Variants in IQCM observed in about 807,000 individuals in gnomAD.
IQCM encodes the protein IQ motif containing M.
IQCM carries 45 observed loss-of-function variants against 57.6 expected under a neutral mutation model. The observed-to-expected ratio is 0.78, with a 90% CI of 0.62 to 1.00. The LOEUF is 1.00. Among genes scored for constraint, IQCM ranks in the 50% least tolerant of loss-of-function variants. IQCM has a pLI of 0.00. For synonymous variants in IQCM, 148 were observed against 158.9 expected (o/e 0.93, Z 0.51); for missense variants, 468 against 511.6 (o/e 0.91, Z 0.82).
chr4:149,721,626 T>C (rs1765458019), intron 5 of IQCM, among the ~76,000 whole-genome samples: 1 of 152,166 alleles, frequency 6.6e-6, no homozygotes, highest in South Asian at 2.1e-4. Context: ...CATTATTCTG[T>C]TCTTTTATAT....
At position 149,638,515 on chromosome 4, in the gene IQCM, A is replaced by C. The variant is rs529732822; in HGVS notation, c.566-17271T>G. 1.1e-3 allele frequency among the ~76,000 whole-genome samples: 172 copies of C among 152,216 alleles called. 1 individual carries two copies. The highest frequency in any genetic ancestry group is 2.1e-3 in the Admixed American group (32 of 15,282). On this transcript the variant is annotated intron_variant, in intron 7 of 13. Coordinates refer to ENST00000636793, the MANE Select transcript of IQCM (RefSeq NM_001363507.2). The stretch of plus-strand genomic sequence containing the variant: ...AATAAGATAGATGTTCAACAATATA[A>C]TGAATTGATACACTGTGGTATAGTC...
chr4:149,538,085 T>C lies in IQCM; in HGVS notation c.1228+10370A>G, dbSNP rs115882922. On this transcript the variant is annotated intron_variant, in intron 12 of 13. Coordinates refer to ENST00000636793, the MANE Select transcript of IQCM (RefSeq NM_001363507.2). ...TGCAGATATCTTTTATACACTTATA[T>C]ATGTTAGTTTTATATATATAACAGT... Among the ~76,000 whole-genome samples the C allele has an allele frequency of 7.1e-3, 1,075 of 151,614 alleles. 16 individuals are homozygous for C. Among genetic ancestry groups the C allele is most frequent in the African/African-American group, 0.025 (1,032 of 41,462 alleles).
intron 13 of IQCM, among the ~76,000 whole-genome samples, chr4:149,367,715 G>C (rs543339122): frequency 1.4e-4 from 22 of 152,100 alleles, no homozygotes; most frequent in African/African-American, 4.8e-4. Flanking sequence ...AATTTGAATA[G>C]ATATTGCTAA....
intron 12 of IQCM, among the ~76,000 whole-genome samples, chr4:149,546,564 T>C (rs539045952): frequency 6.6e-6 from 1 of 152,382 alleles, no homozygotes; most frequent in South Asian, 2.1e-4. Context: ...ATTTCTCTGA[T>C]GGCCAGTGAT....
Position 149,548,498 on chromosome 4 carries a change from T to G in IQCM, c.1185A>C (p.Pro395=), listed in dbSNP as rs566118808. The G allele has an allele frequency of 1.3e-4, 165 of 1,232,008 alleles. No individual in the cohort carries two copies. In the African/African-American group the frequency reaches 2.0e-3, roughly 15 times the overall value. 76.3% of individuals were successfully genotyped at this position (1,232,008 alleles called of 1,614,324 possible). The stretch of plus-strand genomic sequence containing the variant: ...AAGTATCATCAACTTGTTTCTGAGT[T>G]GGGAAATGACCACAGTCACTGAAGA... The part of the protein sequence containing the change: ...PNFFSDCGHF[P]TQKQVDDTWD... Residue 395 remains proline (P), a synonymous_variant, in exon 12 of 14, where the codon CCA becomes CCC. Transcript: ENST00000636793.
chr4:149,672,412 C>G (rs1414343452), intron 7 of IQCM, among the ~76,000 whole-genome samples: 3 of 152,092 alleles, frequency 2.0e-5, no homozygotes, highest in Admixed American at 6.6e-5. Flanking sequence ...CTAGAAGAAA[C>G]AGAGTAGAGA....
intron 12 of IQCM, among the ~76,000 whole-genome samples, chr4:149,435,584 A>C (rs1014259391): frequency 9.9e-5 from 15 of 151,938 alleles, no homozygotes; most frequent in Non-Finnish European, 1.5e-4. Flanking sequence ...AAAAAAAAAA[A>C]AACAGTAAAA....
intron 12 of IQCM, among the ~76,000 whole-genome samples, chr4:149,476,901 A>G (rs1740261948): frequency 6.6e-6 from 1 of 152,172 alleles, no homozygotes; most frequent in South Asian, 2.1e-4. Flanking sequence ...AATAACAACA[A>G]CCTTTCATTT....
intron 13 of IQCM, among the ~76,000 whole-genome samples, chr4:149,389,459 A>G (rs1731683700): frequency 6.6e-6 from 1 of 151,874 alleles, no homozygotes; most frequent in African/African-American, 2.4e-5. Context: ...GAACCAACCC[A>G]AATGTCCAAC....
intron 13 of IQCM, among the ~76,000 whole-genome samples, chr4:149,417,353 C>T (rs1733816448): frequency 1.3e-5 from 2 of 152,076 alleles, no homozygotes; most frequent in African/African-American, 4.8e-5. Context: ...GCATGTTCAT[C>T]TCTTGCACAT....
chr4:149,482,501 T>C (rs944349087), intron 12 of IQCM, among the ~76,000 whole-genome samples: 2 of 151,980 alleles, frequency 1.3e-5, no homozygotes, highest in Non-Finnish European at 2.9e-5. Context: ...GATGTTGAAT[T>C]TTATGAAATT....
chr4:149,367,184 C>T (rs1324987018), intron 13 of IQCM, among the ~76,000 whole-genome samples: 1 of 151,910 alleles, frequency 6.6e-6, no homozygotes, highest in African/African-American at 2.4e-5. Context: ...ATGTTTACAG[C>T]AACTCATTGG....
chr4:149,406,162 G>A (rs1276527493), intron 13 of IQCM, among the ~76,000 whole-genome samples: 4 of 151,772 alleles, frequency 2.6e-5, no homozygotes, highest in Non-Finnish European at 4.4e-5. Context: ...CCTTAGCCAG[G>A]AACTGTCAGG....
chr4:149,556,591 T>A (rs889543970), intron 10 of IQCM, among the ~76,000 whole-genome samples: 1 of 152,204 alleles, frequency 6.6e-6, no homozygotes, highest in Middle Eastern at 3.4e-3. Context: ...AAAATCTTTA[T>A]TCAAAAGCCT....
At chr4:149,448,761 C>A (rs895040983) in intron 12 of IQCM, among the ~76,000 whole-genome samples, 9 of 151,644 alleles carry the variant, frequency 5.9e-5, no homozygotes, top group Admixed American at 1.3e-4. Flanking sequence ...TTGAAAGACA[C>A]CAATTAACAA....
At position 149,576,036 on chromosome 4, in the gene IQCM, G is replaced by T. The variant is rs140646429; in HGVS notation, c.749+11894C>A. Among the ~76,000 whole-genome samples, 21 of 151,896 alleles carry T rather than the reference G, an allele frequency of 1.4e-4. No homozygotes were observed. In the East Asian group the frequency reaches 3.9e-3, roughly 28 times the overall value. ...TCCTTCTGGCATAGATAAACATTCT[G>T]CAGGAGCACTACTTATTATAAATTA... is the stretch of plus-strand genomic sequence containing the variant. On this transcript the variant is annotated intron_variant, in intron 9 of 13. Transcript: ENST00000636793.
At chr4:149,526,107 G>A (rs2149840121) in intron 12 of IQCM, among the ~76,000 whole-genome samples, 1 of 151,942 alleles carries the variant, frequency 6.6e-6, no homozygotes, top group East Asian at 1.9e-4. Flanking sequence ...AATTTGAATT[G>A]ATAATCATTC....
At chr4:149,524,957 C>A (rs574868263) in intron 12 of IQCM, among the ~76,000 whole-genome samples, 2 of 151,556 alleles carry the variant, frequency 1.3e-5, no homozygotes, top group Admixed American at 6.6e-5. Context: ...CACTATTAAT[C>A]AAAAAAATTG....
intron 7 of IQCM, among the ~76,000 whole-genome samples, chr4:149,655,599 G>A (rs1759568793): frequency 2.0e-5 from 3 of 152,022 alleles, no homozygotes; most frequent in Admixed American, 1.3e-4. Context: ...TACCGATAGA[G>A]CAATATAAAT....
Sources: allele counts gnomAD v4.1 joint callset (sites outside exome capture counted in the v4.1 genomes callset), GRCh38; gene constraint gnomAD v4.1.1; transcripts MANE v1.5; gene names NCBI Gene and HGNC (gene_info 2026-07-23, HGNC 2026-07-21).